NPEPL1: variants seen among roughly 807,000 people sequenced by gnomAD.
NPEPL1 encodes aminopeptidase like 1, also known as probable aminopeptidase NPEPL1.
In NPEPL1, 45 loss-of-function variants were observed where a neutral mutation model predicts 52.4. The observed-to-expected ratio is 0.86, with a 90% CI of 0.68 to 1.10. NPEPL1 has a LOEUF of 1.10. NPEPL1 is among the 50% of genes least tolerant of loss of function. NPEPL1 has a pLI of 0.00. For synonymous variants in NPEPL1, 360 were observed against 314.7 expected (o/e 1.14, Z -1.52); for missense variants, 696 against 710.9 (o/e 0.98, Z 0.24).
chr20:58,710,129 G>A (rs2084807040), intron 7 of NPEPL1, among the ~76,000 whole-genome samples: 2 of 144,688 alleles, frequency 1.4e-5, no homozygotes, highest in African/African-American at 5.4e-5. Flanking sequence ...ACGCCTCCCA[G>A]GTTTAAGTGA....
Position 58,714,072 on chromosome 20 carries a change from G to T in NPEPL1, c.1281G>T (p.Ala427=). 6.5e-7 allele frequency: 1 copy of T among 1,549,534 alleles called. No homozygotes were observed. The highest frequency in any genetic ancestry group is 2.5e-5 in the East Asian group (1 of 40,810). Residue 427 remains alanine (A), a synonymous_variant, in exon 10 of 12, where the codon GCG becomes GCT. Transcript: ENST00000356091. ...TCAGCGAGTTCACCTCAGCTGTGGC[G>T]GACATGAAGAACTCAGTGGCGGTAG... ...LHFSEFTSAV[A]DMKNSVADRD...
At position 58,708,552 on chromosome 20, in the gene NPEPL1, A is replaced by G. The variant is rs186485040; in HGVS notation, c.900+1352A>G. Among the ~76,000 whole-genome samples the G allele has an allele frequency of 5.3e-3, 805 of 151,946 alleles. 4 individuals are homozygous for G. Among genetic ancestry groups the G allele is most frequent in the Non-Finnish European group, 8.1e-3 (551 of 67,998 alleles). On this transcript the variant is annotated intron_variant, in intron 7 of 11. Coordinates refer to ENST00000356091, the MANE Select transcript of NPEPL1 (RefSeq NM_024663.4). ...CATGAGCACCTGCCGTGGCCCGTCC[A>G]CTGCAGAGCCTGTCGGAAGAGGCTG...
In NPEPL1 at chr20:58,715,566, C is replaced by A; in HGVS notation, c.*240C>A. 1 of 425,076 alleles carries A rather than the reference C, an allele frequency of 2.4e-6. No homozygotes were observed. The highest frequency in any genetic ancestry group is 4.8e-5 in the East Asian group (1 of 20,852). The allele number at this position is 425,076 out of a possible 1,614,324, so 26.3% of individuals were successfully genotyped here. ...GTTACTTACAGGACTGAGACATCTT[C>A]TGTAAACTGCTACCCCTGGGGCCTT... On this transcript the variant is annotated 3_prime_UTR_variant, in exon 12 of 12. Transcript: ENST00000356091.
At chr20:58,693,607 G>T in intron 1 of NPEPL1, 130 bp from the exon 2 acceptor site, 1 of 746,252 alleles carries the variant, frequency 1.3e-6, no homozygotes, top group South Asian at 1.9e-5. Context: ...ATGGGAAAAC[G>T]GTGGCCGGGA....
At chr20:58,697,591 A>G (rs1046751421) in intron 3 of NPEPL1, among the ~76,000 whole-genome samples, 6 of 152,302 alleles carry the variant, frequency 3.9e-5, no homozygotes, top group Non-Finnish European at 7.4e-5. Context: ...AGAGGCAGGG[A>G]TGATAAACTT....
At chr20:58,710,573 C>T (rs1045171116) in intron 7 of NPEPL1, among the ~76,000 whole-genome samples, 2 of 152,180 alleles carry the variant, frequency 1.3e-5, no homozygotes, top group South Asian at 4.1e-4. Context: ...CAAGCCCTGG[C>T]GTAGCACTGG....
At chr20:58,695,497 G>C (rs147692887) in intron 3 of NPEPL1, among the ~76,000 whole-genome samples, 2 of 152,306 alleles carry the variant, frequency 1.3e-5, no homozygotes, top group South Asian at 4.1e-4. Flanking sequence ...CCACGGCAGC[G>C]GTCCCAGCCT....
rs1362378568 is a variant in NPEPL1, at chr20:58,701,032, C to T, written c.696C>T (p.Gly232=). ...TRGFGGIYGV[G]KAALHPPALA... ...TTTCCATAGGAATCTATGGGGTTGG[C>T]AAAGCCGCCCTGCATCCCCCAGCCC... Residue 232 remains glycine (G), a synonymous_variant, in exon 6 of 12, where the codon GGC becomes GGT. Transcript: ENST00000356091. 3 of 1,591,140 alleles carry T rather than the reference C, an allele frequency of 1.9e-6. No individual in the cohort carries two copies. The highest frequency in any genetic ancestry group is 2.6e-6 in the Non-Finnish European group (3 of 1,169,666).
intron 6 of NPEPL1, among the ~76,000 whole-genome samples, chr20:58,702,191 C>T (rs1311743380): frequency 6.6e-6 from 1 of 152,282 alleles, no homozygotes; most frequent in Non-Finnish European, 1.5e-5. Context: ...GAAGGATTCT[C>T]ATCAAAGCCT....
chr20:58,715,377 T>A lies in NPEPL1; in HGVS notation c.*51T>A. 1 of 1,495,024 alleles carries A rather than the reference T, an allele frequency of 6.7e-7. No homozygotes were observed. The highest frequency in any genetic ancestry group is 8.9e-7 in the Non-Finnish European group (1 of 1,119,584). 92.6% of individuals were successfully genotyped at this position (1,495,024 alleles called of 1,614,324 possible). A position where few individuals can be genotyped will look rare whatever the true frequency, so the allele number is the denominator to read the frequency against. On this transcript the variant is annotated 3_prime_UTR_variant, in exon 12 of 12. Coordinates refer to ENST00000356091, the MANE Select transcript of NPEPL1 (RefSeq NM_024663.4). ...GGGGATCTTTTACCTCACTTTGCACTGATTAATTTTAAGCAATTGAAAGAT... is the reference window on the plus strand; with the variant it reads ...GGGGATCTTTTACCTCACTTTGCACAGATTAATTTTAAGCAATTGAAAGAT...
intron 6 of NPEPL1, chr20:58,705,378 T>C (rs1249366933): frequency 2.3e-6 from 1 of 436,952 alleles, no homozygotes; most frequent in African/African-American, 2.0e-5. Context: ...AGGAGTACAT[T>C]ATGAGTCACA....
chr20:58,701,476 G>A (rs1279376682), intron 6 of NPEPL1, among the ~76,000 whole-genome samples: 6 of 151,764 alleles, frequency 4.0e-5, no homozygotes, highest in African/African-American at 9.7e-5. Flanking sequence ...GGGTGGGTTC[G>A]GGGAGAGTGC....
chr20:58,701,542 A>G (rs1188486071), intron 6 of NPEPL1, among the ~76,000 whole-genome samples: 1 of 152,010 alleles, frequency 6.6e-6, no homozygotes, highest in East Asian at 1.9e-4. Context: ...CCTGGGTTTC[A>G]TGCCCACCCT....
At chr20:58,701,982 C>CGT (rs1171962582) in intron 6 of NPEPL1, among the ~76,000 whole-genome samples, 1 of 152,198 alleles carries the variant, frequency 6.6e-6, no homozygotes, top group African/African-American at 2.4e-5. Context: ...ATTCATCCTA[C>CGT]ACACCGTGTG....
chr20:58,691,613 G>T (rs938318115), upstream of NPEPL1: 1 of 638,516 alleles, frequency 1.6e-6, no homozygotes, highest in Non-Finnish European at 2.7e-6. Context: ...GAGCTAGGGG[G>T]CCAGCTGGGA....
intron 3 of NPEPL1, among the ~76,000 whole-genome samples, chr20:58,696,836 A>G (rs1030333352): frequency 2.1e-4 from 32 of 152,328 alleles, no homozygotes; most frequent in Admixed American, 8.5e-4. Context: ...TGTGAGATAC[A>G]TCCTGTTGTC....
Position 58,715,349 on chromosome 20 carries a change from A to G in NPEPL1, c.*23A>G, listed in dbSNP as rs1189992285. ...TGAGCCTCCTGCCTCGGCCCTGACA[A>G]ACGGGGATCTTTTACCTCACTTTGC... On this transcript the variant is annotated 3_prime_UTR_variant, in exon 12 of 12. Transcript: ENST00000356091. 1.3e-6 allele frequency: 2 copies of G among 1,581,786 alleles called. No homozygotes were observed. Among genetic ancestry groups the G allele is most frequent in the Admixed American group, 3.7e-5 (2 of 54,108 alleles).
chr20:58,695,391 C>T (rs1404456646), intron 3 of NPEPL1, among the ~76,000 whole-genome samples: 2 of 58,342 alleles, frequency 3.4e-5, no homozygotes, highest in African/African-American at 1.2e-4. Context: ...TGTGTTATTT[C>T]ACTCAATGCT....
upstream of NPEPL1, among the ~76,000 whole-genome samples, chr20:58,690,258 T>A (rs979326697): frequency 2.6e-5 from 4 of 152,206 alleles, no homozygotes; most frequent in African/African-American, 9.6e-5. Context: ...CAATTGAATG[T>A]GGAATAGGTT....
Sources: allele counts gnomAD v4.1 joint callset (sites outside exome capture counted in the v4.1 genomes callset), GRCh38; gene constraint gnomAD v4.1.1; transcripts MANE v1.5; gene names NCBI Gene and HGNC (gene_info 2026-07-23, HGNC 2026-07-21).